The following ATXN10 variants were observed in gnomAD, a reference collection of about 807,000 sequenced individuals.
The protein encoded by ATXN10 is ataxin-10.
In ATXN10, 28 loss-of-function variants were observed where a neutral mutation model predicts 52.9. The ratio of observed to expected loss-of-function variants is 0.53; its 90% CI spans 0.39 to 0.73. The LOEUF is 0.73. ATXN10 is among the 30% of genes least tolerant of loss of function. The probability of loss-of-function intolerance (pLI) is 0.00; values close to 1 mark genes in which losing one functional copy is unlikely to be tolerated. For synonymous variants in ATXN10, 226 were observed against 221.5 expected, an observed-to-expected ratio of 1.02 and a Z score of -0.18; for missense variants, 565 against 577.0, an observed-to-expected ratio of 0.98 and a Z score of 0.21.
chr22:45,792,066 T>G (rs757150674), intron 9 of ATXN10, among the ~76,000 whole-genome samples: 2 of 152,170 alleles, frequency 1.3e-5, no homozygotes, highest in Non-Finnish European at 2.9e-5. Flanking sequence ...ACATTTTTTC[T>G]TCAAGGCAAT....
In ATXN10 at chr22:45,775,882, G is replaced by A. The variant is rs1361081575; in HGVS notation, c.1174-31077G>A. On this transcript the variant is annotated intron_variant, in intron 9 of 11. Transcript: ENST00000252934. This position sits in a 1 kb window ranked among gnomAD's most constrained non-coding sequence, Gnocchi z 4.7. The stretch of plus-strand genomic sequence containing the variant: ...CAGCCGGGAGGTAACATTAACATCC[G>A]TTTGCTGGTGTTTGAAACCTGGAGC... Among the ~76,000 whole-genome samples, 2 of 152,080 alleles carry A rather than the reference G, an allele frequency of 1.3e-5. No homozygotes were observed. Among genetic ancestry groups the A allele is most frequent in the Admixed American group, 6.5e-5 (1 of 15,278 alleles).
At chr22:45,756,910 A>T (rs189024300) in intron 9 of ATXN10, among the ~76,000 whole-genome samples, 1 of 152,348 alleles carries the variant, frequency 6.6e-6, no homozygotes, top group Non-Finnish European at 1.5e-5. Flanking sequence ...AATCATTTCC[A>T]TGGCAGAGTT....
chr22:45,739,277 T>G (rs1176527850), intron 8 of ATXN10, among the ~76,000 whole-genome samples: 2 of 152,236 alleles, frequency 1.3e-5, no homozygotes, highest in African/African-American at 2.4e-5. Context: ...ACAAATCTTA[T>G]GAGAAAAAGG....
intron 1 of ATXN10, among the ~76,000 whole-genome samples, chr22:45,680,604 C>T (rs1203743243): frequency 6.6e-6 from 1 of 151,850 alleles, no homozygotes; most frequent in African/African-American, 2.4e-5. Context: ...GCCATCACAG[C>T]GCCACCATGC....
chr22:45,751,763 A>AAAAAAAAAAAAT, intron 9 of ATXN10, among the ~76,000 whole-genome samples: 37 of 66,592 alleles, frequency 5.6e-4, no homozygotes, highest in Middle Eastern at 9.1e-3. Flanking sequence ...AATAAAAAAA[A>AAAAAAAAAAAAT]AATAATAATA....
intron 9 of ATXN10, among the ~76,000 whole-genome samples, chr22:45,802,520 A>G (rs1348103012): frequency 6.6e-6 from 1 of 152,154 alleles, no homozygotes; most frequent in Non-Finnish European, 1.5e-5. Flanking sequence ...TAAGTATGTA[A>G]TTGTGTATTT....
chr22:45,807,779 G>T (rs2056967202), intron 10 of ATXN10, among the ~76,000 whole-genome samples: 1 of 152,176 alleles, frequency 6.6e-6, no homozygotes, highest in South Asian at 2.1e-4. Context: ...TGTGTCCCTT[G>T]TCCTGGTCAC....
intron 6 of ATXN10, among the ~76,000 whole-genome samples, chr22:45,725,102 T>A (rs1056021492): frequency 2.0e-5 from 3 of 152,178 alleles, no homozygotes; most frequent in African/African-American, 7.2e-5. Flanking sequence ...TGCCTTAGAA[T>A]TGTTCTTTTT....
intron 10 of ATXN10, among the ~76,000 whole-genome samples, chr22:45,831,275 T>A (rs1226752472): frequency 6.6e-6 from 1 of 152,266 alleles, no homozygotes; most frequent in South Asian, 2.1e-4. Context: ...ATGGTGGTGA[T>A]AGACACACAA....
At chr22:45,806,723 A>G (rs554130132) in intron 9 of ATXN10, among the ~76,000 whole-genome samples, 1 of 152,256 alleles carries the variant, frequency 6.6e-6, no homozygotes, top group Middle Eastern at 3.4e-3. Context: ...TCTTTTTTAT[A>G]TGGCTACCTA....
At chr22:45,813,744 T>A (rs1446238994) in intron 10 of ATXN10, among the ~76,000 whole-genome samples, 1 of 152,206 alleles carries the variant, frequency 6.6e-6, no homozygotes, top group Non-Finnish European at 1.5e-5. Flanking sequence ...TGAAATGTTA[T>A]CATGCCTATA....
intron 5 of ATXN10, among the ~76,000 whole-genome samples, chr22:45,714,517 A>T (rs544017428): frequency 6.6e-6 from 1 of 151,930 alleles, no homozygotes; most frequent in South Asian, 2.1e-4. Context: ...AGAAGCTGGG[A>T]TCGCAGGTGC....
In ATXN10 at chr22:45,732,077, C is replaced by T. The variant is rs1053889634; in HGVS notation, c.894+2487C>T. ...TTGTAGTGAGAAATTCCTGGTGTAACTTTTCATATTTAGGAAAACTTCTAT... is the reference window on the plus strand; with the variant it reads ...TTGTAGTGAGAAATTCCTGGTGTAATTTTTCATATTTAGGAAAACTTCTAT... On this transcript the variant is annotated intron_variant, in intron 7 of 11. Transcript: ENST00000252934. This position sits in a 1 kb window ranked among gnomAD's most constrained non-coding sequence, Gnocchi z 4.5. Among the ~76,000 whole-genome samples the T allele has an allele frequency of 6.6e-6, 1 of 152,118 alleles. No individual in the cohort carries two copies. The highest frequency in any genetic ancestry group is 6.5e-5 in the Admixed American group (1 of 15,274).
At position 45,805,029 on chromosome 22, in the gene ATXN10, A is replaced by G. The variant is rs1246033090; in HGVS notation, c.1174-1930A>G. Among the ~76,000 whole-genome samples, 1 of 152,222 alleles carries G rather than the reference A, an allele frequency of 6.6e-6. No individual in the cohort carries two copies. Among genetic ancestry groups the G allele is most frequent in the Non-Finnish European group, 1.5e-5 (1 of 68,030 alleles). ...CCACTCACATTCACAGCCATATAGC[A>G]GTCTACTGTGTTTGTACCGTAGTTT... On this transcript the variant is annotated intron_variant, in intron 9 of 11. Transcript: ENST00000252934. This position sits in a 1 kb window ranked among gnomAD's most constrained non-coding sequence, Gnocchi z 4.4.
In ATXN10 at chr22:45,754,619, G is replaced by A. The variant is rs554672357; in HGVS notation, c.1173+14081G>A. Reference sequence around the variant, plus strand: ...TGTAATCCCAGCACTTTGGGAGGCCGAGGCCAGCGGATCACCTGAGGTCAG... The same window carrying A: ...TGTAATCCCAGCACTTTGGGAGGCCAAGGCCAGCGGATCACCTGAGGTCAG... On this transcript the variant is annotated intron_variant, in intron 9 of 11. Transcript: ENST00000252934. The surrounding 1 kb of genome is among the most constrained non-coding windows in gnomAD (Gnocchi z 5.4). 9.2e-5 allele frequency among the ~76,000 whole-genome samples: 14 copies of A among 152,270 alleles called. No individual in the cohort carries two copies. Among genetic ancestry groups the A allele is most frequent in the African/African-American group, 2.9e-4 (12 of 41,560 alleles).
chr22:45,673,165 T>C (rs1922540276), intron 1 of ATXN10: 1 of 152,236 alleles, frequency 6.6e-6, no homozygotes, highest in South Asian at 2.1e-4. Context: ...ACTTAACACA[T>C]TGATTGGTAG....
chr22:45,693,151 C>T, intron 3 of ATXN10, 73 bp downstream of exon 3: 1 of 1,199,890 alleles, frequency 8.3e-7, no homozygotes, highest in Non-Finnish European at 1.2e-6. Flanking sequence ...TGAGTATTAA[C>T]ATCATTCATT....
chr22:45,785,502 A>G (rs1053609213), intron 9 of ATXN10, among the ~76,000 whole-genome samples: 1 of 152,260 alleles, frequency 6.6e-6, no homozygotes, highest in Non-Finnish European at 1.5e-5. Flanking sequence ...AAAAGATGAT[A>G]TTAAATTCTC....
chr22:45,722,101 G>A (rs1207850743), intron 6 of ATXN10, among the ~76,000 whole-genome samples: 5 of 152,204 alleles, frequency 3.3e-5, no homozygotes, highest in Admixed American at 6.5e-5. Context: ...AGCAGCCTGA[G>A]TGATGATTTC....
Sources: allele counts gnomAD v4.1 joint callset (sites outside exome capture counted in the v4.1 genomes callset), GRCh38; gene constraint gnomAD v4.1.1; non-coding constraint Gnocchi (gnomAD v3.1); transcripts MANE v1.5; gene names NCBI Gene and HGNC (gene_info 2026-07-23, HGNC 2026-07-21).